Variants in TRPS1 observed in about 807,000 individuals in gnomAD.
TRPS1 encodes the protein transcriptional repressor GATA binding 1.
In TRPS1, 6 loss-of-function variants were observed where a neutral mutation model predicts 101.2. The ratio of observed to expected loss-of-function variants is 0.06; its 90% CI spans 0.03 to 0.12. TRPS1 has a LOEUF of 0.12. TRPS1 is among the 10% of genes least tolerant of loss of function. The probability of loss-of-function intolerance (pLI) is 1.00; values close to 1 mark genes in which losing one functional copy is unlikely to be tolerated. For missense variants in TRPS1, 1,363 were observed against 1,567.0 expected (o/e 0.87, Z 2.20); for synonymous variants, 578 against 589.8 (o/e 0.98, Z 0.29).
intron 5 of TRPS1, among the ~76,000 whole-genome samples, chr8:115,571,742 A>G (rs1817208420): frequency 6.6e-6 from 1 of 152,152 alleles, no homozygotes; most frequent in African/African-American, 2.4e-5. Context: ...TAGCGAATAA[A>G]TCAGAACACC....
At position 115,533,436 on chromosome 8, in the gene TRPS1, G is replaced by GTTTTTTTTTTTTTTTTTTTT. The variant is rs1161916592; in HGVS notation, c.2700+53545_2700+53564dup. On this transcript the variant is annotated intron_variant, in intron 5 of 6. Transcript: ENST00000395715. ...GGGGCCCGCTTCCCACATGTAATCT[G>GTTTTTTTTTTTTTTTTTTTT]TTTTTTTTTTTTTTTTTTTTTTTCC... is the stretch of plus-strand genomic sequence containing the variant. Among the ~76,000 whole-genome samples, 5 of 35,002 alleles carry GTTTTTTTTTTTTTTTTTTTT rather than the reference G, an allele frequency of 1.4e-4. 1 individual carries two copies. Among genetic ancestry groups the GTTTTTTTTTTTTTTTTTTTT allele is most frequent in the Non-Finnish European group, 1.6e-4 (3 of 18,796 alleles). The allele number at this position is 35,002 out of a possible 152,430, so 23.0% of individuals were successfully genotyped here. A position where few individuals can be genotyped will look rare whatever the true frequency, so the allele number is the denominator to read the frequency against.
chr8:115,430,110 T>C (rs1028221322), intron 5 of TRPS1, among the ~76,000 whole-genome samples: 3 of 152,174 alleles, frequency 2.0e-5, no homozygotes, highest in Non-Finnish European at 2.9e-5. Flanking sequence ...CCCAAATGTA[T>C]CAAAACTACT....
chr8:115,623,860 C>T, intron 1 of TRPS1, 102 bp from the exon 2 acceptor site: 3 of 1,141,284 alleles, frequency 2.6e-6, no homozygotes, highest in Non-Finnish European at 2.3e-6. Context: ...TCATAGGCTG[C>T]CTGAAAGATA....
At chr8:115,610,311 C>A (rs1818133576) in intron 3 of TRPS1, among the ~76,000 whole-genome samples, 1 of 152,076 alleles carries the variant, frequency 6.6e-6, no homozygotes, top group South Asian at 2.1e-4. Context: ...TCTGTAAGGG[C>A]CGATCTTAGC....
rs1191549249 is a variant in TRPS1, at chr8:115,619,876, G to A, written c.222C>T (p.Ser74=). The part of the protein sequence containing the change: ...AAELNHKEEH[S]LHVQDPSSSS... Reference sequence around the variant, plus strand: ...TAGAAGATGGATCTTGAACATGCAAGCTATGTTCCTCCTTATGATTTAGTT... The same window carrying A: ...TAGAAGATGGATCTTGAACATGCAAACTATGTTCCTCCTTATGATTTAGTT... Residue 74 remains serine, a synonymous_variant, in exon 3 of 7, where the codon AGC becomes AGT. Transcript: ENST00000395715. The A allele has an allele frequency of 6.2e-7, 1 of 1,614,192 alleles. No individual in the cohort carries two copies. Among genetic ancestry groups the A allele is most frequent in the Non-Finnish European group, 8.5e-7 (1 of 1,180,026 alleles).
At chr8:115,504,485 A>T (rs954275365) in intron 5 of TRPS1, among the ~76,000 whole-genome samples, 4 of 152,234 alleles carry the variant, frequency 2.6e-5, no homozygotes, top group Non-Finnish European at 5.9e-5. Context: ...ACTATTTTTT[A>T]AATTAATATA....
intron 5 of TRPS1, among the ~76,000 whole-genome samples, chr8:115,524,030 A>C (rs569313421): frequency 6.6e-6 from 1 of 152,308 alleles, no homozygotes; most frequent in South Asian, 2.1e-4. Context: ...TCCAGAGTCC[A>C]GAAAATTGTT....
chr8:115,425,279 T>G (rs959976377), intron 5 of TRPS1, among the ~76,000 whole-genome samples: 1 of 152,202 alleles, frequency 6.6e-6, no homozygotes, highest in Admixed American at 6.5e-5. Flanking sequence ...CTCTTTGCCC[T>G]CAGATTTCTT....
At chr8:115,570,676 A>AC (rs1252082141) in intron 5 of TRPS1, among the ~76,000 whole-genome samples, 4 of 107,840 alleles carry the variant, frequency 3.7e-5, no homozygotes, top group Admixed American at 1.1e-4. Flanking sequence ...CCTCAAAAAA[A>AC]ACACACACAC....
At chr8:115,477,856 T>C (rs1814644885) in intron 5 of TRPS1, among the ~76,000 whole-genome samples, 1 of 152,084 alleles carries the variant, frequency 6.6e-6, no homozygotes, top group South Asian at 2.1e-4. Context: ...TCCATCCACA[T>C]TGTCCTTTTT....
At chr8:115,612,592 C>T (rs1244328341) in intron 3 of TRPS1, among the ~76,000 whole-genome samples, 1 of 152,178 alleles carries the variant, frequency 6.6e-6, no homozygotes, top group Admixed American at 6.5e-5. Context: ...CAAGGTGGAG[C>T]TTCCCATCAG....
rs7842306 is a variant in TRPS1, at chr8:115,620,149, T to C, written c.38-89A>G. On this transcript the variant is annotated intron_variant, in intron 2 of 6. Transcript: ENST00000395715. ...TCTGGAATATTTTACTTATGTGAGT[T>C]TTTTAAGGTGCATAATCAAATGCTT... 6,590 of 1,355,418 alleles carry C rather than the reference T, an allele frequency of 4.9e-3. 185 individuals carry two copies. The African/African-American group carries it at 0.075, about 15-fold the overall frequency. 84.0% of individuals were successfully genotyped at this position (1,355,418 alleles called of 1,614,324 possible). A position where few individuals can be genotyped will look rare whatever the true frequency, so the allele number is the denominator to read the frequency against.
chr8:115,574,932 G>C (rs1234066787), intron 5 of TRPS1, among the ~76,000 whole-genome samples: 1 of 152,014 alleles, frequency 6.6e-6, no homozygotes, highest in African/African-American at 2.4e-5. Context: ...AAAAACTTCA[G>C]GGTTTCTATT....
At chr8:115,475,038 G>A (rs1387963048) in intron 5 of TRPS1, among the ~76,000 whole-genome samples, 1 of 151,722 alleles carries the variant, frequency 6.6e-6, no homozygotes, top group Non-Finnish European at 1.5e-5. Context: ...ATTTACTGCA[G>A]GACTTTTAAG....
At chr8:115,609,157 T>C (rs77217560) in intron 3 of TRPS1, among the ~76,000 whole-genome samples, 6,262 of 152,216 alleles carry the variant, frequency 0.041, 438 homozygotes, top group African/African-American at 0.14. Flanking sequence ...AAAATTTAAA[T>C]AGCCACATTT....
intron 4 of TRPS1, among the ~76,000 whole-genome samples, chr8:115,598,014 A>G (rs1486809187): frequency 3.3e-5 from 5 of 152,010 alleles, no homozygotes; most frequent in Non-Finnish European, 5.9e-5. Flanking sequence ...TTTAACAGAC[A>G]CAGGTTAAGA....
intron 1 of TRPS1, among the ~76,000 whole-genome samples, chr8:115,645,705 C>CA (rs1819009864): frequency 6.6e-6 from 1 of 151,974 alleles, no homozygotes; most frequent in African/African-American, 2.4e-5. Flanking sequence ...GGTACTAATA[C>CA]AAATATTTTT....
intron 5 of TRPS1, among the ~76,000 whole-genome samples, chr8:115,541,890 G>A (rs1236651350): frequency 1.3e-5 from 2 of 152,224 alleles, no homozygotes; most frequent in Middle Eastern, 6.8e-3. Context: ...CCCAAAATGA[G>A]TATCACTATA....
rs544134834 is a variant in TRPS1 at position 115,639,873 on chromosome 8, T to C, written c.-121-16115A>G. ...AAAAAGTCTAATACTGGTAGTGGAATGTCAGTCGCCTGCCTATGTCACTTC... is the reference window on the plus strand; with the variant it reads ...AAAAAGTCTAATACTGGTAGTGGAACGTCAGTCGCCTGCCTATGTCACTTC... On this transcript the variant is annotated intron_variant, in intron 1 of 6. Coordinates refer to ENST00000395715, the MANE Select transcript of TRPS1 (RefSeq NM_014112.5). Among the ~76,000 whole-genome samples the C allele has an allele frequency of 3.3e-5, 5 of 152,212 alleles. No individual in the cohort carries two copies. In the South Asian group the frequency reaches 1.0e-3, roughly 32 times the overall value.
Sources: allele counts gnomAD v4.1 joint callset (sites outside exome capture counted in the v4.1 genomes callset), GRCh38; gene constraint gnomAD v4.1.1; transcripts MANE v1.5; gene names NCBI Gene and HGNC (gene_info 2026-07-23, HGNC 2026-07-21).